The following MGAT4D variants were observed in gnomAD, a reference collection of about 807,000 sequenced individuals.
The protein encoded by MGAT4D is MGAT4 family member D.
In MGAT4D, 34 loss-of-function variants were observed where a neutral mutation model predicts 15.9. The ratio of observed to expected loss-of-function variants is 2.14; its 90% CI spans 1.62 to 2.84. The LOEUF is 2.84. MGAT4D is among the 30% of genes most tolerant of loss of function. The probability of loss-of-function intolerance (pLI) is 0.00; values close to 1 mark genes in which losing one functional copy is unlikely to be tolerated. For synonymous variants in MGAT4D, 112 were observed against 48.2 expected (o/e 2.33, Z -5.49); for missense variants, 327 against 140.2 (o/e 2.33, Z -6.73).
At chr4:140,449,610 G>A (rs1032886895) in intron 10 of MGAT4D, among the ~76,000 whole-genome samples, 47 of 152,134 alleles carry the variant, frequency 3.1e-4, no homozygotes, top group Non-Finnish European at 5.4e-4. Flanking sequence ...ATATAAAAAA[G>A]TTAGCCCGGC....
intron 9 of MGAT4D, among the ~76,000 whole-genome samples, chr4:140,453,481 A>G (rs977085563): frequency 6.6e-6 from 1 of 151,964 alleles, no homozygotes; most frequent in Non-Finnish European, 1.5e-5. Flanking sequence ...ACATATAGAT[A>G]TATAAATATT....
intron 1 of MGAT4D, among the ~76,000 whole-genome samples, chr4:140,489,683 A>G (rs1733380454): frequency 1.3e-5 from 2 of 152,208 alleles, no homozygotes; most frequent in South Asian, 2.1e-4. Flanking sequence ...TGACGAATCA[A>G]GCTGTAGTTT....
At chr4:140,478,972 G>A (rs747877654) in intron 3 of MGAT4D, among the ~76,000 whole-genome samples, 1 of 152,096 alleles carries the variant, frequency 6.6e-6, no homozygotes, top group Non-Finnish European at 1.5e-5. Context: ...TCACTCACTG[G>A]AATGAGTGAG....
At chr4:140,484,522 A>G (rs1166847321) in intron 1 of MGAT4D, among the ~76,000 whole-genome samples, 1 of 152,212 alleles carries the variant, frequency 6.6e-6, no homozygotes, top group Non-Finnish European at 1.5e-5. Flanking sequence ...CACCAAAAGC[A>G]ATAGCAACAA....
chr4:140,496,667 AC>A (rs1318092365), intron 1 of MGAT4D, among the ~76,000 whole-genome samples: 2 of 152,088 alleles, frequency 1.3e-5, no homozygotes. Flanking sequence ...ACATGGTGAA[AC>A]CCTATCTCTA....
chr4:140,449,852 A>G (rs1730363655), intron 10 of MGAT4D: 1 of 179,044 alleles, frequency 5.6e-6, no homozygotes, highest in South Asian at 2.0e-4. Flanking sequence ...ACTTAAAGAA[A>G]TGAATATTAA....
chr4:140,476,690 T>C (rs1178631333), intron 3 of MGAT4D, among the ~76,000 whole-genome samples: 1 of 152,192 alleles, frequency 6.6e-6, no homozygotes, highest in African/African-American at 2.4e-5. Context: ...CACTCTTACC[T>C]CGAAGCCTTT....
rs1206316233 is a variant in MGAT4D, at chr4:140,464,996, C to T, written c.586G>A (p.Val196Met). ...ATGACCTCTAAGGATCCAGACCTCA[C>T]TTGCCTTTTGAATCTATAAATAGAA... ...KMITKKFKRQ[V>M]RSGSLEVISI... The change falls in exon 6 of 11, where the codon GTG becomes ATG. Residue 196 changes from valine to methionine, a missense_variant. Transcript: ENST00000511113. 1.1e-5 allele frequency: 8 copies of T among 701,632 alleles called. No individual in the cohort carries two copies. The highest frequency in any genetic ancestry group is 4.5e-5 in the South Asian group (3 of 67,284). 43.5% of individuals were successfully genotyped at this position (701,632 alleles called of 1,614,324 possible). A position where few individuals can be genotyped will look rare whatever the true frequency, so the allele number is the denominator to read the frequency against.
intron 5 of MGAT4D, among the ~76,000 whole-genome samples, chr4:140,465,896 A>T (rs1486026568): frequency 1.3e-5 from 2 of 152,180 alleles, no homozygotes; most frequent in Non-Finnish European, 2.9e-5. Context: ...ATATATTGTG[A>T]ACAATTGTGT....
intron 9 of MGAT4D, among the ~76,000 whole-genome samples, chr4:140,453,997 T>C (rs1391430665): frequency 1.3e-5 from 2 of 150,566 alleles, no homozygotes; most frequent in Non-Finnish European, 2.9e-5. Flanking sequence ...AACCCATTTA[T>C]CAGTTCTAGG....
intron 2 of MGAT4D, among the ~76,000 whole-genome samples, chr4:140,482,060 G>C (rs895897571): frequency 2.0e-5 from 3 of 152,138 alleles, no homozygotes; most frequent in South Asian, 2.1e-4. Flanking sequence ...GGGGTCAGAG[G>C]TGATCCTCAG....
At chr4:140,481,068 A>T (rs1403292281) in intron 2 of MGAT4D, among the ~76,000 whole-genome samples, 4 of 152,002 alleles carry the variant, frequency 2.6e-5, no homozygotes, top group Non-Finnish European at 4.4e-5. Flanking sequence ...AGCACTTTGG[A>T]AGGCTGAGGT....
chr4:140,466,250 G>A (rs1731524919), intron 5 of MGAT4D, among the ~76,000 whole-genome samples: 1 of 152,186 alleles, frequency 6.6e-6, no homozygotes, highest in Admixed American at 6.5e-5. Flanking sequence ...AGAGACTCTA[G>A]AGATGCAACA....
intron 9 of MGAT4D, among the ~76,000 whole-genome samples, chr4:140,452,169 AAAAAAC>A (rs1376374635): frequency 6.6e-6 from 1 of 152,058 alleles, no homozygotes; most frequent in South Asian, 2.1e-4. Flanking sequence ...CTCCATTTTT[AAAAAAC>A]AAAAACAAAA....
intron 5 of MGAT4D, among the ~76,000 whole-genome samples, chr4:140,470,880 T>TAA: frequency 1.4e-5 from 2 of 147,288 alleles, no homozygotes; most frequent in South Asian, 4.4e-4. Flanking sequence ...CCTTCCTTTA[T>TAA]TTTATAATTT....
intron 1 of MGAT4D, among the ~76,000 whole-genome samples, chr4:140,487,662 T>C (rs190870248): frequency 4.0e-4 from 61 of 152,326 alleles, no homozygotes; most frequent in African/African-American, 1.3e-3. Context: ...TACATCTCAA[T>C]TCAGATGCTA....
chr4:140,455,245 C>T (rs1049892719), intron 9 of MGAT4D, among the ~76,000 whole-genome samples: 2 of 152,148 alleles, frequency 1.3e-5, no homozygotes, highest in African/African-American at 4.8e-5. Context: ...AGTGCTTTAG[C>T]TGCATTCCAG....
intron 5 of MGAT4D, among the ~76,000 whole-genome samples, chr4:140,471,226 GTTTCCTTCCTTCCTTC>G (rs1304126328): frequency 9.0e-5 from 12 of 132,704 alleles, no homozygotes; most frequent in Admixed American, 6.1e-4. Context: ...TCTCCTTTTT[GTTTCCTTCCTTCCTTC>G]CTTCCTTCCT....
At chr4:140,470,781 T>C (rs1578678652) in intron 5 of MGAT4D, among the ~76,000 whole-genome samples, 1 of 152,226 alleles carries the variant, frequency 6.6e-6, no homozygotes, top group East Asian at 1.9e-4. Flanking sequence ...TCCTTCTTGA[T>C]ATTTGCAGGT....
Sources: gnomAD v4.1 joint callset for allele counts (sites outside exome capture counted in the v4.1 genomes callset) on GRCh38, gnomAD v4.1.1 for gene constraint, MANE v1.5 for transcripts, NCBI Gene and HGNC (gene_info 2026-07-23, HGNC 2026-07-21) for gene names.